Variants in HACE1 observed in about 807,000 individuals in gnomAD.
HACE1 encodes the protein HECT domain and ankyrin repeat containing E3 ubiquitin protein ligase 1.
In HACE1, 73 loss-of-function variants were observed where a neutral mutation model predicts 118.4. That is an observed-to-expected ratio of 0.62 (90% CI 0.51 to 0.75). The LOEUF (loss-of-function observed/expected upper bound fraction) is 0.75. Among genes scored for constraint, HACE1 ranks in the 30% least tolerant of loss-of-function variants. HACE1 has a pLI of 0.00. For synonymous variants in HACE1, 368 were observed against 374.8 expected (o/e 0.98, Z 0.21); for missense variants, 749 against 1,102.2 (o/e 0.68, Z 4.54).
chr6:104,734,699 A>G (rs950734049), intron 22 of HACE1, among the ~76,000 whole-genome samples: 7 of 152,178 alleles, frequency 4.6e-5, no homozygotes, highest in Admixed American at 2.0e-4. Context: ...ACACTTCATA[A>G]CTAAATAATA....
rs1305227772 is a variant in HACE1 at position 104,745,448 on chromosome 6, G to C, written c.2344-838C>G. Among the ~76,000 whole-genome samples the C allele has an allele frequency of 4.9e-5, 4 of 81,590 alleles. No individual in the cohort carries two copies. In the East Asian group the frequency reaches 1.2e-3, roughly 25 times the overall value. 53.5% of individuals were successfully genotyped at this position (81,590 alleles called of 152,430 possible). A position where few individuals can be genotyped will look rare whatever the true frequency, so the allele number is the denominator to read the frequency against. ...TTTACACTGATGATTCAGAATATCAGGATTTCCTTTTTTTTTGAGACCGAG... is the reference window on the plus strand; with the variant it reads ...TTTACACTGATGATTCAGAATATCACGATTTCCTTTTTTTTTGAGACCGAG... On this transcript the variant is annotated intron_variant, in intron 20 of 23. Transcript: ENST00000262903.
intron 22 of HACE1, among the ~76,000 whole-genome samples, chr6:104,742,875 C>T (rs1046737566): frequency 7.8e-4 from 119 of 151,744 alleles, no homozygotes; most frequent in Non-Finnish European, 1.6e-3. Flanking sequence ...ATGTTTATTG[C>T]GGCATTATTC....
Position 104,791,410 on chromosome 6 carries a change from C to G in HACE1, c.1074+94G>C, listed in dbSNP as rs568919331. On this transcript the variant is annotated intron_variant, in intron 11 of 23. Transcript: ENST00000262903. ...ATATGGGTATAAACCAAACTTACAA[C>G]CTGTTCATGAGCTTTCTGATTAATG... 12 of 1,142,578 alleles carry G rather than the reference C, an allele frequency of 1.1e-5. No individual in the cohort carries two copies. The Admixed American group carries it at 2.0e-4, about 19-fold the overall frequency. The allele number at this position is 1,142,578 out of a possible 1,614,324, so 70.8% of individuals were successfully genotyped here. A position where few individuals can be genotyped will look rare whatever the true frequency, so the allele number is the denominator to read the frequency against.
chr6:104,750,190 T>C, intron 20 of HACE1, 151 bp downstream of exon 20: 1 of 661,454 alleles, frequency 1.5e-6, no homozygotes. Flanking sequence ...CCATAAATTT[T>C]ATATCAAATC....
chr6:104,808,215 A>T (rs2114954726), intron 7 of HACE1, among the ~76,000 whole-genome samples: 1 of 152,164 alleles, frequency 6.6e-6, no homozygotes, highest in Non-Finnish European at 1.5e-5. Flanking sequence ...AGTGCTTAGA[A>T]TTAGACAAGA....
chr6:104,849,000 T>C, intron 4 of HACE1, 142 bp downstream of exon 4: 1 of 643,598 alleles, frequency 1.6e-6, no homozygotes, highest in Non-Finnish European at 2.8e-6. Context: ...ACAAAAAAAA[T>C]ATAGAAAATA....
chr6:104,763,937 C>G (rs1350733188), intron 19 of HACE1, among the ~76,000 whole-genome samples: 1 of 152,086 alleles, frequency 6.6e-6, no homozygotes, highest in Non-Finnish European at 1.5e-5. Flanking sequence ...GTAATCCTAA[C>G]TACTTGAGAG....
chr6:104,771,949 G>C lies in HACE1; in HGVS notation c.1990C>G (p.Arg664Gly). The C allele has an allele frequency of 6.2e-7, 1 of 1,605,328 alleles. No individual in the cohort carries two copies. Among genetic ancestry groups the C allele is most frequent in the Non-Finnish European group, 8.5e-7 (1 of 1,172,260 alleles). ...CCAAGAATGTGCTTGTAGAAGGATC[G>C]TGTGAAGTAAATATTGACCAGCTGC... Reference protein sequence around the residue: ...HRQLVNIYFTRSFYKHILGIP... With the variant: ...HRQLVNIYFTGSFYKHILGIP... Residue 664 changes from arginine to glycine, a missense_variant, in exon 18 of 24, where the codon CGA (arginine) becomes GGA (glycine). Physicochemically the swap from Arg to Gly is moderately radical, Grantham distance 125 (BLOSUM62 -2). Coordinates refer to ENST00000262903, the MANE Select transcript of HACE1 (RefSeq NM_020771.4).
At chr6:104,742,828 C>T (rs1214078666) in intron 22 of HACE1, among the ~76,000 whole-genome samples, 2 of 152,012 alleles carry the variant, frequency 1.3e-5, no homozygotes, top group Admixed American at 6.5e-5. Context: ...ACCCAAAGGA[C>T]TATAAATTAT....
At chr6:104,817,399 C>T (rs1290625711) in intron 6 of HACE1, among the ~76,000 whole-genome samples, 1 of 152,162 alleles carries the variant, frequency 6.6e-6, no homozygotes, top group Non-Finnish European at 1.5e-5. Flanking sequence ...CCCTTGCACA[C>T]ACTCTCTCTC....
intron 5 of HACE1, among the ~76,000 whole-genome samples, chr6:104,839,424 A>T (rs1774872380): frequency 6.6e-6 from 1 of 152,242 alleles, no homozygotes; most frequent in Non-Finnish European, 1.5e-5. Flanking sequence ...CAATCCCCAA[A>T]GGTTCCATAC....
intron 14 of HACE1, among the ~76,000 whole-genome samples, chr6:104,779,300 C>T (rs965945340): frequency 1.3e-4 from 20 of 152,092 alleles, no homozygotes; most frequent in African/African-American, 4.8e-4. Context: ...TTTTAGGACA[C>T]CAATAAATTT....
At chr6:104,808,520 C>A (rs967736471) in intron 7 of HACE1, among the ~76,000 whole-genome samples, 1 of 152,164 alleles carries the variant, frequency 6.6e-6, no homozygotes, top group Non-Finnish European at 1.5e-5. Context: ...AAACTAGGTT[C>A]TTTCCCCTGT....
At chr6:104,823,251 T>C (rs1182817877) in intron 6 of HACE1, among the ~76,000 whole-genome samples, 3 of 152,126 alleles carry the variant, frequency 2.0e-5, no homozygotes, top group African/African-American at 4.8e-5. Context: ...CTGGCCAACA[T>C]GGTGAAACAC....
At chr6:104,840,417 A>C (rs1562488233) in intron 5 of HACE1, among the ~76,000 whole-genome samples, 1 of 152,216 alleles carries the variant, frequency 6.6e-6, no homozygotes, top group South Asian at 2.1e-4. Flanking sequence ...GGGCTGAAAA[A>C]GAGAACAATA....
chr6:104,780,099 A>G (rs1414559861), intron 14 of HACE1, among the ~76,000 whole-genome samples: 1 of 152,220 alleles, frequency 6.6e-6, no homozygotes, highest in African/African-American at 2.4e-5. Context: ...TATCATTCAC[A>G]GCAATGTTAA....
chr6:104,859,568 C>T lies in HACE1; in HGVS notation c.75G>A (p.Glu25=). 1 of 1,523,238 alleles carries T rather than the reference C, an allele frequency of 6.6e-7. No homozygotes were observed. Among genetic ancestry groups the T allele is most frequent in the Non-Finnish European group, 8.8e-7 (1 of 1,140,712 alleles). The allele number at this position is 1,523,238 out of a possible 1,614,324, so 94.4% of individuals were successfully genotyped here. ...GCCTGGCCCCGCGACCCGGCTCACC[C>T]TCGGGCAACTCCACGGTGCGCGCGC... is the stretch of plus-strand genomic sequence containing the variant. ...LRRARTVELP[E]DNETAVYTLM... is the part of the protein sequence containing the mutation. Residue 25 remains glutamate (E), a splice_region_variant and synonymous_variant, in exon 1 of 24, where the codon GAG becomes GAA. Transcript: ENST00000262903.
At chr6:104,757,381 G>A (rs745499861) in intron 19 of HACE1, among the ~76,000 whole-genome samples, 77 of 152,266 alleles carry the variant, frequency 5.1e-4, no homozygotes, top group Non-Finnish European at 9.3e-4. Flanking sequence ...TGCAGCCTCC[G>A]CTGGTGATAC....
intron 16 of HACE1, 24 bp downstream of exon 16, chr6:104,776,989 T>C (rs777600854): frequency 1.4e-6 from 2 of 1,468,066 alleles, no homozygotes; most frequent in Non-Finnish European, 1.9e-6. Flanking sequence ...CAGTGATTTC[T>C]ACATCATCTT....
Sources: allele counts gnomAD v4.1 joint callset (sites outside exome capture counted in the v4.1 genomes callset), GRCh38; gene constraint gnomAD v4.1.1; transcripts MANE v1.5; gene names NCBI Gene and HGNC (gene_info 2026-07-23, HGNC 2026-07-21).